Variants in SNX9 observed in about 807,000 individuals in gnomAD.
SNX9 encodes the protein sorting nexin-9.
A neutral mutation model predicts 89.4 loss-of-function variants in SNX9; 44 were observed. The ratio of observed to expected loss-of-function variants is 0.49; its 90% CI spans 0.39 to 0.63. The LOEUF (loss-of-function observed/expected upper bound fraction) is 0.63, where lower values mean the gene tolerates loss of function less well. SNX9 is among the 30% of genes least tolerant of loss of function. SNX9 has a pLI of 0.00. For synonymous variants in SNX9, 236 were observed against 247.8 expected (o/e 0.95, Z 0.45); for missense variants, 578 against 736.1 (o/e 0.79, Z 2.49).
intron 4 of SNX9, among the ~76,000 whole-genome samples, chr6:157,876,914 C>G (rs1782532540): frequency 6.6e-6 from 1 of 152,200 alleles, no homozygotes; most frequent in African/African-American, 2.4e-5. Context: ...CCAAGTGTTG[C>G]CTAGGAGCAA....
At chr6:157,902,754 A>C (rs920243849) in intron 6 of SNX9, among the ~76,000 whole-genome samples, 5 of 152,058 alleles carry the variant, frequency 3.3e-5, no homozygotes, top group Admixed American at 3.3e-4. Context: ...TGCAACCCCA[A>C]CGTCCCGGGT....
In SNX9 at chr6:157,944,669, G is replaced by A. The variant is rs985807873; in HGVS notation, c.*1831G>A. ...GACATGAATTCATCATTTCAGTTCCGTAGGTCAGTGTTGCGGTCCGGGAAG... is the reference window on the plus strand; with the variant it reads ...GACATGAATTCATCATTTCAGTTCCATAGGTCAGTGTTGCGGTCCGGGAAG... On this transcript the variant is annotated 3_prime_UTR_variant, in exon 18 of 18. Transcript: ENST00000392185. 2.0e-5 allele frequency: 3 copies of A among 152,076 alleles called. No homozygotes were observed. The highest frequency in any genetic ancestry group is 1.9e-4 in the East Asian group (1 of 5,192). 9.4% of individuals were successfully genotyped at this position (152,076 alleles called of 1,614,324 possible).
intron 1 of SNX9, among the ~76,000 whole-genome samples, chr6:157,845,393 G>A (rs780809813): frequency 5.3e-5 from 8 of 152,022 alleles, no homozygotes; most frequent in Non-Finnish European, 1.2e-4. Flanking sequence ...TTACAGGTGC[G>A]AGCCACCGTG....
chr6:157,891,994 C>G (rs1264176238), intron 4 of SNX9, among the ~76,000 whole-genome samples: 2 of 152,008 alleles, frequency 1.3e-5, no homozygotes, highest in African/African-American at 4.8e-5. Context: ...GGAGGTGACT[C>G]TAGGGGCAGT....
chr6:157,856,287 G>GTATA (rs1351751017), intron 1 of SNX9, among the ~76,000 whole-genome samples: 1 of 152,202 alleles, frequency 6.6e-6, no homozygotes, highest in African/African-American at 2.4e-5. Context: ...AAGTAGAAGA[G>GTATA]TATAATAAAG....
chr6:157,845,109 T>A (rs935101044), intron 1 of SNX9, among the ~76,000 whole-genome samples: 1 of 150,276 alleles, frequency 6.7e-6, no homozygotes, highest in Non-Finnish European at 1.5e-5. Flanking sequence ...ATTTGTCTTT[T>A]TTTTTTTTTT....
intron 1 of SNX9, among the ~76,000 whole-genome samples, chr6:157,845,996 G>A (rs969116678): frequency 6.6e-6 from 1 of 152,220 alleles, no homozygotes; most frequent in Non-Finnish European, 1.5e-5. Flanking sequence ...TTGCAAGAAG[G>A]ATCAGCTGGA....
chr6:157,910,063 G>A, intron 9 of SNX9, 38 bp downstream of exon 9: 1 of 1,477,256 alleles, frequency 6.8e-7, no homozygotes, highest in Non-Finnish European at 9.5e-7. Context: ...ATGACAAATA[G>A]AAAGACTCCA....
At chr6:157,874,982 C>T in intron 3 of SNX9, 69 bp from the exon 4 acceptor site, 2 of 1,508,130 alleles carry the variant, frequency 1.3e-6, no homozygotes, top group Non-Finnish European at 1.8e-6. Context: ...ACAATTCTTG[C>T]TTGCCCTCGA....
rs1784080242 is a variant in SNX9, at chr6:157,943,273, C to A, written c.*435C>A. On this transcript the variant is annotated 3_prime_UTR_variant, in exon 18 of 18. Coordinates refer to ENST00000392185, the MANE Select transcript of SNX9 (RefSeq NM_016224.5). ...ACTTTCTTAAAAACATGAACTATGC[C>A]AGAATAAAAAATATCTATGTTTGTA... 1 of 153,054 alleles carries A rather than the reference C, an allele frequency of 6.5e-6. No individual in the cohort carries two copies. The highest frequency in any genetic ancestry group is 2.4e-5 in the African/African-American group (1 of 41,464). The allele number at this position is 153,054 out of a possible 1,614,324, so 9.5% of individuals were successfully genotyped here. A position where few individuals can be genotyped will look rare whatever the true frequency, so the allele number is the denominator to read the frequency against.
chr6:157,890,761 G>A (rs150966585), intron 4 of SNX9, among the ~76,000 whole-genome samples: 191 of 152,352 alleles, frequency 1.3e-3, no homozygotes, highest in African/African-American at 4.4e-3. Context: ...TCAGACGAGA[G>A]TGATTGTATA....
At chr6:157,896,726 T>A in intron 4 of SNX9, 101 bp from the exon 5 acceptor site, 3 of 1,280,556 alleles carry the variant, frequency 2.3e-6, no homozygotes, top group Non-Finnish European at 3.3e-6. Flanking sequence ...TTAATTGTTT[T>A]TAGTACTCCT....
intron 12 of SNX9, 66 bp from the exon 13 acceptor site, chr6:157,932,129 G>A (rs897527652): frequency 2.2e-6 from 3 of 1,393,824 alleles, no homozygotes; most frequent in Non-Finnish European, 3.1e-6. Flanking sequence ...ATCACTTTTA[G>A]GAAATAGTTT....
rs2115215645 is a variant in SNX9, at chr6:157,935,950, T to G, written c.1367-14T>G. On this transcript the variant is annotated splice_polypyrimidine_tract_variant and intron_variant, in intron 13 of 17. Transcript: ENST00000392185. ...GCATAACTTATAACCACTGATAAAA[T>G]TGATCATTTTCAGGTGAAACAGATC... The G allele has an allele frequency of 1.3e-6, 2 of 1,594,528 alleles. No individual in the cohort carries two copies. Among genetic ancestry groups the G allele is most frequent in the East Asian group, 4.5e-5 (2 of 44,528 alleles).
chr6:157,938,699 A>G lies in SNX9; in HGVS notation c.1600A>G (p.Lys534Glu), dbSNP rs934767952. The change falls in exon 16 of 18, where the codon AAA (lysine) becomes GAA (glutamate). Residue 534 changes from lysine to glutamate, a missense_variant. Lys to Glu is a moderately conservative substitution (Grantham distance 56). This residue lies in a region of SNX9 where 348 missense variants were observed against 491.4 expected (regional missense o/e 0.71). Coordinates refer to ENST00000392185, the MANE Select transcript of SNX9 (RefSeq NM_016224.5). ...VATSKITLQD[K>E]QNMVKRVSIM... Reference sequence around the variant, plus strand: ...AACAAGTAAAATCACCCTACAAGACAAACAGAACATGGTGAAGAGAGTCAG... The same window carrying G: ...AACAAGTAAAATCACCCTACAAGACGAACAGAACATGGTGAAGAGAGTCAG... 1.2e-6 allele frequency: 2 copies of G among 1,614,048 alleles called. No homozygotes were observed. Among genetic ancestry groups the G allele is most frequent in the South Asian group, 1.1e-5 (1 of 91,074 alleles).
chr6:157,852,859 C>T (rs1262462194), intron 1 of SNX9, among the ~76,000 whole-genome samples: 2 of 152,142 alleles, frequency 1.3e-5, no homozygotes. Flanking sequence ...AGGCATGAGC[C>T]ACTGTGCCTG....
At chr6:157,907,302 G>C (rs1426105328) in intron 7 of SNX9, among the ~76,000 whole-genome samples, 4 of 147,222 alleles carry the variant, frequency 2.7e-5, no homozygotes, top group African/African-American at 1.0e-4. Flanking sequence ...TTGTTTTTAA[G>C]ACAGAGTCTC....
At chr6:157,903,624 G>C (rs1783151847) in intron 6 of SNX9, among the ~76,000 whole-genome samples, 1 of 152,230 alleles carries the variant, frequency 6.6e-6, no homozygotes, top group African/African-American at 2.4e-5. Flanking sequence ...TGAAAACGAA[G>C]GAAGCAGAGA....
intron 1 of SNX9, among the ~76,000 whole-genome samples, chr6:157,845,488 A>C (rs1215371745): frequency 1.3e-5 from 2 of 152,160 alleles, no homozygotes; most frequent in Admixed American, 6.5e-5. Flanking sequence ...ATTTCTTGGA[A>C]ACAATTACTC....
Sources: allele counts gnomAD v4.1 joint callset (sites outside exome capture counted in the v4.1 genomes callset), GRCh38; gene constraint gnomAD v4.1.1; regional missense constraint gnomAD v4.1.1; transcripts MANE v1.5; gene names NCBI Gene and HGNC (gene_info 2026-07-23, HGNC 2026-07-21).